The following AGO3 variants were observed in gnomAD, a reference collection of about 807,000 sequenced individuals.
AGO3 encodes argonaute RISC catalytic component 3.
A neutral mutation model predicts 105.5 loss-of-function variants in AGO3; 16 were observed. The ratio of observed to expected loss-of-function variants is 0.15; its 90% CI spans 0.10 to 0.23. The LOEUF (loss-of-function observed/expected upper bound fraction) is 0.23, where lower values mean the gene tolerates loss of function less well. AGO3 is among the 10% of genes least tolerant of loss of function. AGO3 has a pLI of 1.00. For missense variants in AGO3, 534 were observed against 1,088.0 expected, an observed-to-expected ratio of 0.49 and a Z score of 7.16; for synonymous variants, 340 against 367.3, an observed-to-expected ratio of 0.93 and a Z score of 0.85.
At position 35,951,376 on chromosome 1, in the gene AGO3, A is replaced by G. The variant is rs1646467946; in HGVS notation, c.191+5513A>G. Among the ~76,000 whole-genome samples, 2 of 152,138 alleles carry G rather than the reference A, an allele frequency of 1.3e-5. 1 individual carries two copies. Among genetic ancestry groups the G allele is most frequent in the South Asian group, 4.1e-4 (2 of 4,826 alleles). On this transcript the variant is annotated intron_variant, in intron 2 of 18. Transcript: ENST00000373191. ...TTTCTGCATATTTCATATTGATATAATGTTTAATGCTGATGATTTTTATTT... is the reference window on the plus strand; with the variant it reads ...TTTCTGCATATTTCATATTGATATAGTGTTTAATGCTGATGATTTTTATTT...
At chr1:36,001,143 G>C (rs1320336331) in intron 5 of AGO3, among the ~76,000 whole-genome samples, 2 of 152,076 alleles carry the variant, frequency 1.3e-5, no homozygotes, top group East Asian at 3.8e-4. Flanking sequence ...GCTGAGGCAC[G>C]AGAATTGTCT....
At chr1:36,013,559 G>A in intron 9 of AGO3, 71 bp from the exon 10 acceptor site, 2 of 1,566,840 alleles carry the variant, frequency 1.3e-6, no homozygotes, top group Admixed American at 3.7e-5. Flanking sequence ...AAAAAAAAGA[G>A]GGTTCTAATG....
chr1:36,072,324 TTC>T lies in AGO3; in HGVS notation c.*16581_*16582del, dbSNP rs2124000618. 1 of 152,346 alleles carries T rather than the reference TTC, an allele frequency of 6.6e-6. No homozygotes were observed. The highest frequency in any genetic ancestry group is 1.9e-4 in the East Asian group (1 of 5,188). The allele number at this position is 152,346 out of a possible 1,614,324, so 9.4% of individuals were successfully genotyped here. A position where few individuals can be genotyped will look rare whatever the true frequency, so the allele number is the denominator to read the frequency against. On this transcript the variant is annotated 3_prime_UTR_variant, in exon 19 of 19. Transcript: ENST00000373191. ...TTCTGAGCCAAACTGTCACGAAATGTTCTGTGACAGAACCACTACTCTTTTTT... is the reference window on the plus strand; with the variant it reads ...TTCTGAGCCAAACTGTCACGAAATGTTGTGACAGAACCACTACTCTTTTTT...
chr1:36,004,184 G>C (rs115352372), intron 5 of AGO3, 157 bp from the exon 6 acceptor site: 2 of 590,498 alleles, frequency 3.4e-6, no homozygotes, highest in Non-Finnish European at 5.4e-6. Flanking sequence ...TGCCTCAGAG[G>C]TCAAATTAAA....
chr1:36,061,446 G>T lies in AGO3; in HGVS notation c.*5701G>T, dbSNP rs183485599. 1.3e-5 allele frequency: 2 copies of T among 152,200 alleles called. No individual in the cohort carries two copies. Among genetic ancestry groups the T allele is most frequent in the East Asian group, 3.9e-4 (2 of 5,186 alleles). 9.4% of individuals were successfully genotyped at this position (152,200 alleles called of 1,614,324 possible). A position where few individuals can be genotyped will look rare whatever the true frequency, so the allele number is the denominator to read the frequency against. ...GTTTACATCATTGATTAAATCTCAAGAATCTTTTGTTCTTAAAATATGGAA... is the reference window on the plus strand; with the variant it reads ...GTTTACATCATTGATTAAATCTCAATAATCTTTTGTTCTTAAAATATGGAA... On this transcript the variant is annotated 3_prime_UTR_variant, in exon 19 of 19. Coordinates refer to ENST00000373191, the MANE Select transcript of AGO3 (RefSeq NM_024852.4).
At chr1:36,013,017 G>T (rs191474092) in intron 9 of AGO3, among the ~76,000 whole-genome samples, 2 of 151,836 alleles carry the variant, frequency 1.3e-5, no homozygotes, top group East Asian at 3.9e-4. Context: ...GCCCACTGCA[G>T]CCTTGAGCTC....
intron 2 of AGO3, among the ~76,000 whole-genome samples, chr1:35,965,981 G>A (rs1434323289): frequency 6.6e-6 from 1 of 151,768 alleles, no homozygotes; most frequent in East Asian, 1.9e-4. Flanking sequence ...ATGCGCCACT[G>A]TACCCGGCTA....
intron 3 of AGO3, among the ~76,000 whole-genome samples, chr1:35,967,399 ATTTATTTTAT>A (rs57271371): frequency 2.0e-3 from 304 of 150,232 alleles, no homozygotes; most frequent in Admixed American, 4.7e-3. Flanking sequence ...CCCCATTAAT[ATTTATTTTAT>A]TTTATTTTAT....
rs1643085254 is a variant in AGO3, at chr1:36,065,857, C to CT, written c.*10115dup. ...GTGGCTCACACCTGTAATCCCAACA[C>CT]TTTGGGCAGCTGAGGTGAGCAGATC... On this transcript the variant is annotated 3_prime_UTR_variant, in exon 19 of 19. Coordinates refer to ENST00000373191, the MANE Select transcript of AGO3 (RefSeq NM_024852.4). 1 of 152,342 alleles carries CT rather than the reference C, an allele frequency of 6.6e-6. No homozygotes were observed. The highest frequency in any genetic ancestry group is 1.5e-5 in the Non-Finnish European group (1 of 68,208). 9.4% of individuals were successfully genotyped at this position (152,342 alleles called of 1,614,324 possible).
chr1:35,938,138 G>A (rs1278549750), intron 1 of AGO3, among the ~76,000 whole-genome samples: 1 of 151,806 alleles, frequency 6.6e-6, no homozygotes. Context: ...CCGCCACCAC[G>A]TCCAGCTAAT....
chr1:36,023,795 C>T (rs1641360598), intron 11 of AGO3, among the ~76,000 whole-genome samples: 1 of 152,122 alleles, frequency 6.6e-6, no homozygotes, highest in Admixed American at 6.5e-5. Flanking sequence ...AACTAAGATC[C>T]TTATTTTTCT....
At chr1:35,993,740 T>A (rs1162911535) in intron 5 of AGO3, among the ~76,000 whole-genome samples, 1 of 121,418 alleles carries the variant, frequency 8.2e-6, no homozygotes, top group African/African-American at 3.5e-5. Context: ...ACCCCCTGCT[T>A]TTTTTTTTTT....
intron 5 of AGO3, among the ~76,000 whole-genome samples, chr1:35,989,734 G>A (rs185917095): frequency 7.8e-4 from 118 of 152,090 alleles, no homozygotes; most frequent in Admixed American, 2.0e-3. Flanking sequence ...AATTAGCCAG[G>A]CGTGATAGCA....
intron 17 of AGO3, among the ~76,000 whole-genome samples, chr1:36,053,745 ATTTTT>A (rs71034711): frequency 3.7e-5 from 3 of 81,296 alleles, no homozygotes; most frequent in South Asian, 9.1e-4. Context: ...CACCTGGCTA[ATTTTT>A]TTTTTTTTTT....
At chr1:35,943,716 A>G (rs1010430814) in intron 1 of AGO3, among the ~76,000 whole-genome samples, 1 of 149,290 alleles carries the variant, frequency 6.7e-6, no homozygotes, top group African/African-American at 2.5e-5. Flanking sequence ...CGATTCTACC[A>G]CCTCAGTCTT....
chr1:35,993,429 G>A (rs1205518773), intron 5 of AGO3, among the ~76,000 whole-genome samples: 1 of 152,150 alleles, frequency 6.6e-6, no homozygotes, highest in Non-Finnish European at 1.5e-5. Flanking sequence ...CAGGAATGAA[G>A]TGAGGGTATC....
In AGO3 at chr1:36,066,824, T is replaced by G. The variant is rs1557723232; in HGVS notation, c.*11079T>G. On this transcript the variant is annotated 3_prime_UTR_variant, in exon 19 of 19. Transcript: ENST00000373191. Reference sequence around the variant, plus strand: ...GTGAGAATATATAGTGAGGGGGGATTTAGGATAAGGCTTCCTTGCTGGGAT... The same window carrying G: ...GTGAGAATATATAGTGAGGGGGGATGTAGGATAAGGCTTCCTTGCTGGGAT... 6.6e-6 allele frequency: 1 copy of G among 152,196 alleles called. No homozygotes were observed. The highest frequency in any genetic ancestry group is 1.5e-5 in the Non-Finnish European group (1 of 68,040). 9.4% of individuals were successfully genotyped at this position (152,196 alleles called of 1,614,324 possible). A position where few individuals can be genotyped will look rare whatever the true frequency, so the allele number is the denominator to read the frequency against.
intron 5 of AGO3, among the ~76,000 whole-genome samples, chr1:35,976,140 G>A (rs571603557): frequency 6.6e-6 from 1 of 151,948 alleles, no homozygotes; most frequent in Admixed American, 6.6e-5. Context: ...TCACCATGTT[G>A]GTCAGGCTGG....
intron 5 of AGO3, 32 bp from the exon 6 acceptor site, chr1:36,004,309 T>C: frequency 6.3e-7 from 1 of 1,577,658 alleles, no homozygotes; most frequent in African/African-American, 1.4e-5. Flanking sequence ...TAGGGAAACA[T>C]TAATTTGTAT....
Sources: gnomAD v4.1 joint callset for allele counts (sites outside exome capture counted in the v4.1 genomes callset) on GRCh38, gnomAD v4.1.1 for gene constraint, MANE v1.5 for transcripts, NCBI Gene and HGNC (gene_info 2026-07-23, HGNC 2026-07-21) for gene names.